The following ALK variants were observed in gnomAD, a reference collection of about 807,000 sequenced individuals.
The protein encoded by ALK is ALK tyrosine kinase receptor.
ALK carries 74 observed loss-of-function variants against 163.1 expected under a neutral mutation model. That is an observed-to-expected ratio of 0.45 (90% CI 0.38 to 0.55). The LOEUF (loss-of-function observed/expected upper bound fraction) is 0.55, where lower values mean the gene tolerates loss of function less well. ALK is among the 20% of genes least tolerant of loss of function. The pLI is 0.00. For missense variants in ALK, 2,063 were observed against 2,105.3 expected (o/e 0.98, Z 0.39); for synonymous variants, 960 against 843.2 (o/e 1.14, Z -2.40).
intron 3 of ALK, among the ~76,000 whole-genome samples, chr2:29,652,042 G>A (rs554993711): frequency 9.9e-4 from 150 of 152,200 alleles, no homozygotes; most frequent in African/African-American, 3.5e-3. Flanking sequence ...CTTTACAGAG[G>A]GAAAGCTAAT....
At chr2:29,492,991 GCTTGGCA>G (rs1408465326) in intron 4 of ALK, among the ~76,000 whole-genome samples, 3 of 152,178 alleles carry the variant, frequency 2.0e-5, no homozygotes. Flanking sequence ...CTTCTGATAG[GCTTGGCA>G]CTTGGCAGGT....
intron 4 of ALK, among the ~76,000 whole-genome samples, chr2:29,388,672 G>A (rs765884425): frequency 3.3e-5 from 5 of 152,132 alleles, no homozygotes; most frequent in Non-Finnish European, 5.9e-5. Context: ...CTCCATAAGC[G>A]GAGCTATTCC....
chr2:29,530,500 C>T (rs1045131623), intron 4 of ALK, among the ~76,000 whole-genome samples: 1 of 152,244 alleles, frequency 6.6e-6, no homozygotes, highest in Non-Finnish European at 1.5e-5. Context: ...GCTCAGAAGC[C>T]TCAAGCAGCA....
chr2:29,704,364 C>A (rs1473850730), intron 2 of ALK, among the ~76,000 whole-genome samples: 1 of 152,020 alleles, frequency 6.6e-6, no homozygotes, highest in Non-Finnish European at 1.5e-5. Context: ...TCATGAGGGA[C>A]CTTGGAGACC....
At chr2:29,767,896 T>C (rs1680907401) in intron 1 of ALK, among the ~76,000 whole-genome samples, 1 of 152,226 alleles carries the variant, frequency 6.6e-6, no homozygotes, top group Non-Finnish European at 1.5e-5. Context: ...AGGAACATTG[T>C]TTGTCTTCTA....
intron 3 of ALK, among the ~76,000 whole-genome samples, chr2:29,673,714 G>A (rs1335738494): frequency 6.7e-6 from 1 of 150,220 alleles, no homozygotes; most frequent in Admixed American, 6.6e-5. Flanking sequence ...ATTCTGTGAA[G>A]AAAGGCATTG....
At chr2:29,686,626 C>T (rs1430590947) in intron 3 of ALK, among the ~76,000 whole-genome samples, 1 of 152,172 alleles carries the variant, frequency 6.6e-6, no homozygotes, top group Non-Finnish European at 1.5e-5. Context: ...GCCTCTGCTC[C>T]CCCAGCCAGT....
intron 1 of ALK, among the ~76,000 whole-genome samples, chr2:29,774,206 C>T (rs1317428456): frequency 1.3e-5 from 2 of 152,156 alleles, no homozygotes; most frequent in African/African-American, 4.8e-5. Context: ...CATTCTCTCC[C>T]CCCTGTTGCT....
intron 1 of ALK, among the ~76,000 whole-genome samples, chr2:29,840,480 A>T (rs1357063897): frequency 1.3e-5 from 2 of 152,174 alleles, no homozygotes; most frequent in Non-Finnish European, 2.9e-5. Context: ...CATATTCTCA[A>T]TATTGTCTAT....
chr2:29,920,671 AGGCCGTTTACACTGCTCTCCG>A lies in ALK; in HGVS notation c.-33_-13del. Reference sequence around the variant, plus strand: ...CCGATGGCTCCCATCCCGCCGGAGGAGGCCGTTTACACTGCTCTCCGGGCCCAGCCTCACCCTTCGCTCTCC... The same window carrying A: ...CCGATGGCTCCCATCCCGCCGGAGGAGGCCCAGCCTCACCCTTCGCTCTCC... On this transcript the variant is annotated 5_prime_UTR_variant, in exon 1 of 29. Coordinates refer to ENST00000389048, the MANE Select transcript of ALK (RefSeq NM_004304.5). 1 of 1,533,872 alleles carries A rather than the reference AGGCCGTTTACACTGCTCTCCG, an allele frequency of 6.5e-7. No homozygotes were observed. The highest frequency in any genetic ancestry group is 8.7e-7 in the Non-Finnish European group (1 of 1,146,880).
intron 1 of ALK, among the ~76,000 whole-genome samples, chr2:29,917,459 G>A (rs1667864337): frequency 6.6e-6 from 1 of 152,198 alleles, no homozygotes; most frequent in East Asian, 1.9e-4. Context: ...CAATCCCAGT[G>A]TCAGAACCTA....
intron 1 of ALK, among the ~76,000 whole-genome samples, chr2:29,723,438 C>T (rs1007228901): frequency 2.0e-5 from 3 of 152,226 alleles, no homozygotes; most frequent in Non-Finnish European, 2.9e-5. Flanking sequence ...CATCCCTTTG[C>T]CCTATTTCTT....
intron 1 of ALK, among the ~76,000 whole-genome samples, chr2:29,865,703 G>T (rs1431664886): frequency 6.6e-6 from 1 of 152,206 alleles, no homozygotes; most frequent in East Asian, 1.9e-4. Flanking sequence ...GGCTGACAAA[G>T]TCTGTTTAGT....
At chr2:29,914,635 A>G (rs1329696317) in intron 1 of ALK, among the ~76,000 whole-genome samples, 3 of 152,240 alleles carry the variant, frequency 2.0e-5, no homozygotes, top group Non-Finnish European at 4.4e-5. Context: ...ATTTAGGAAC[A>G]TTTAAGAACT....
At chr2:29,243,906 G>GT (rs1429022642) in intron 12 of ALK, among the ~76,000 whole-genome samples, 5 of 152,110 alleles carry the variant, frequency 3.3e-5, no homozygotes, top group Non-Finnish European at 7.4e-5. Context: ...GTAATTTTTT[G>GT]TTTTTTCCTC....
chr2:29,696,671 T>C (rs896521887), intron 2 of ALK, among the ~76,000 whole-genome samples: 18 of 151,900 alleles, frequency 1.2e-4, no homozygotes, highest in Non-Finnish European at 2.6e-4. Flanking sequence ...AGCGTATCAT[T>C]ATAATGCAAA....
At chr2:29,452,778 A>G (rs1426200981) in intron 4 of ALK, among the ~76,000 whole-genome samples, 3 of 152,184 alleles carry the variant, frequency 2.0e-5, no homozygotes, top group African/African-American at 4.8e-5. Flanking sequence ...TGAGATGCCC[A>G]CTTGATATGA....
intron 3 of ALK, among the ~76,000 whole-genome samples, chr2:29,660,307 A>G (rs1677311239): frequency 6.6e-6 from 1 of 152,192 alleles, no homozygotes; most frequent in Admixed American, 6.5e-5. Context: ...AACACAAACC[A>G]GATAACGTTT....
At chr2:29,226,498 AAAAAG>A (rs1663998909) in intron 18 of ALK, among the ~76,000 whole-genome samples, 1 of 149,680 alleles carries the variant, frequency 6.7e-6, no homozygotes, top group African/African-American at 2.5e-5. Context: ...AAAAAAAAAA[AAAAAG>A]AGGAGGAGAA....
Sources: gnomAD v4.1 joint callset for allele counts (sites outside exome capture counted in the v4.1 genomes callset) on GRCh38, gnomAD v4.1.1 for gene constraint, MANE v1.5 for transcripts, NCBI Gene and HGNC (gene_info 2026-07-23, HGNC 2026-07-21) for gene names.